Variants in APP observed in about 807,000 individuals in gnomAD.
APP encodes the protein amyloid-beta precursor protein.
APP carries 31 observed loss-of-function variants against 101.4 expected under a neutral mutation model. The observed-to-expected ratio is 0.31, with a 90% confidence interval of 0.23 to 0.41. The LOEUF is 0.41. Ranked by LOEUF, APP falls within the 10% of genes least tolerant of loss-of-function variation. APP has a pLI of 1.00. For missense variants in APP, 839 were observed against 1,003.7 expected (o/e 0.84, Z 2.22); for synonymous variants, 366 against 364.4 (o/e 1.00, Z -0.05).
chr21:25,908,993 G>A (rs1282011805), intron 14 of APP, among the ~76,000 whole-genome samples: 2 of 152,158 alleles, frequency 1.3e-5, no homozygotes, highest in Non-Finnish European at 2.9e-5. Flanking sequence ...GCCGGGCGCC[G>A]TGGCTCATGC....
At chr21:26,131,054 A>AC (rs2062783765) in intron 1 of APP, among the ~76,000 whole-genome samples, 1 of 151,822 alleles carries the variant, frequency 6.6e-6, no homozygotes, top group Non-Finnish European at 1.5e-5. Context: ...ACATGGAGAA[A>AC]CCCCTTCTCT....
intron 11 of APP, among the ~76,000 whole-genome samples, chr21:25,967,137 C>T (rs1037167540): frequency 6.6e-6 from 1 of 152,184 alleles, no homozygotes; most frequent in Non-Finnish European, 1.5e-5. Flanking sequence ...CAAAATTTAA[C>T]ATGTGGCTGA....
chr21:25,962,482 G>T (rs1052013954), intron 11 of APP, among the ~76,000 whole-genome samples: 1 of 152,176 alleles, frequency 6.6e-6, no homozygotes, highest in South Asian at 2.1e-4. Flanking sequence ...AATAGGCCCA[G>T]TAGTGCAGAA....
chr21:26,040,921 T>A lies in APP; in HGVS notation c.662+10079A>T, dbSNP rs149165288. 5.3e-5 allele frequency among the ~76,000 whole-genome samples: 8 copies of A among 152,292 alleles called. No homozygotes were observed. In the East Asian group the frequency reaches 1.5e-3, roughly 29 times the overall value. ...TTAGTCTACCACCTACAATTTTACA[T>A]TGAAACACTGGGGATACTGCAAATG... On this transcript the variant is annotated intron_variant, in intron 5 of 17. Transcript: ENST00000346798.
At chr21:25,939,008 T>A (rs2040467604) in intron 13 of APP, among the ~76,000 whole-genome samples, 1 of 152,164 alleles carries the variant, frequency 6.6e-6, no homozygotes, top group South Asian at 2.1e-4. Flanking sequence ...AACATCTGAT[T>A]TTTGCACCCC....
chr21:25,975,922 G>C, intron 10 of APP, 32 bp downstream of exon 10: 1 of 1,566,914 alleles, frequency 6.4e-7, no homozygotes, highest in Non-Finnish European at 8.8e-7. Flanking sequence ...GCTGGCATGT[G>C]ATGTTTGGTA....
At chr21:25,896,525 A>G (rs1470245392) in intron 16 of APP, among the ~76,000 whole-genome samples, 2 of 152,192 alleles carry the variant, frequency 1.3e-5, no homozygotes, top group Non-Finnish European at 2.9e-5. Flanking sequence ...ACTGAATGTG[A>G]TAAAATTGTC....
At position 26,170,689 on chromosome 21, in the gene APP, G is replaced by GCGCCGCCAC. The variant is rs1555886931; in HGVS notation, c.-78_-70dup. The GCGCCGCCAC allele has an allele frequency of 7.0e-7, 1 of 1,433,656 alleles. No homozygotes were observed. Among genetic ancestry groups the GCGCCGCCAC allele is most frequent in the Non-Finnish European group, 9.1e-7 (1 of 1,094,094 alleles). 88.8% of individuals were successfully genotyped at this position (1,433,656 alleles called of 1,614,324 possible). A position where few individuals can be genotyped will look rare whatever the true frequency, so the allele number is the denominator to read the frequency against. On this transcript the variant is annotated 5_prime_UTR_variant, in exon 1 of 18. Transcript: ENST00000346798. ...GATCCGCCGCGTCCTTGCTCTGCCC[G>GCGCCGCCAC]CGCCGCCACCGCCGCCGTCTCCCGG...
At chr21:25,975,921 T>G in intron 10 of APP, 33 bp downstream of exon 10, 1 of 1,560,220 alleles carries the variant, frequency 6.4e-7, no homozygotes, top group Non-Finnish European at 8.8e-7. Flanking sequence ...TGCTGGCATG[T>G]GATGTTTGGT....
At chr21:26,083,844 G>A (rs1185592090) in intron 3 of APP, among the ~76,000 whole-genome samples, 2 of 152,002 alleles carry the variant, frequency 1.3e-5, no homozygotes, top group Admixed American at 1.3e-4. Context: ...TTAATGCCTC[G>A]TTACTTAATG....
chr21:26,059,121 AAC>A (rs1258787004), intron 3 of APP, among the ~76,000 whole-genome samples: 2 of 152,074 alleles, frequency 1.3e-5, no homozygotes, highest in African/African-American at 4.8e-5. Context: ...ATAAAAAAAA[AAC>A]AGACTGCTGA....
intron 13 of APP, among the ~76,000 whole-genome samples, chr21:25,932,652 G>A (rs1004323684): frequency 2.0e-5 from 3 of 151,584 alleles, no homozygotes; most frequent in Non-Finnish European, 4.4e-5. Context: ...CTTTAAGATA[G>A]TTACTTTAAA....
At chr21:25,984,584 A>T (rs8128731) in intron 8 of APP, among the ~76,000 whole-genome samples, 36,778 of 152,114 alleles carry the variant, frequency 0.24, 4,919 homozygotes, top group East Asian at 0.43. Context: ...GTTAAAATGA[A>T]TAAATGCTAA....
chr21:26,167,125 AG>A (rs1232636031), intron 1 of APP, among the ~76,000 whole-genome samples: 1 of 152,238 alleles, frequency 6.6e-6, no homozygotes, highest in African/African-American at 2.4e-5. Flanking sequence ...TTTTAAATAC[AG>A]GAAGTTTTCT....
At chr21:25,901,936 G>GT in intron 15 of APP, among the ~76,000 whole-genome samples, 1 of 152,248 alleles carries the variant, frequency 6.6e-6, no homozygotes, top group South Asian at 2.1e-4. Context: ...TCGCTAATGT[G>GT]TTTTTCTTTT....
intron 6 of APP, among the ~76,000 whole-genome samples, chr21:26,005,367 T>A (rs1325694966): frequency 6.6e-6 from 1 of 152,106 alleles, no homozygotes; most frequent in African/African-American, 2.4e-5. Context: ...TGAGCCAAAA[T>A]AGTGCCACTG....
intron 1 of APP, among the ~76,000 whole-genome samples, chr21:26,137,845 A>G (rs984357840): frequency 6.6e-6 from 1 of 152,122 alleles, no homozygotes; most frequent in African/African-American, 2.4e-5. Context: ...GGCAGGTCCT[A>G]TTTTTGTTCC....
At chr21:26,007,733 G>A (rs2043600177) in intron 6 of APP, among the ~76,000 whole-genome samples, 1 of 151,894 alleles carries the variant, frequency 6.6e-6, no homozygotes, top group African/African-American at 2.4e-5. Context: ...CAACACAATA[G>A]AAAACTGGTT....
At chr21:25,985,252 GTAAT>G (rs747614175) in intron 8 of APP, among the ~76,000 whole-genome samples, 16 of 152,234 alleles carry the variant, frequency 1.1e-4, no homozygotes, top group Non-Finnish European at 1.8e-4. Flanking sequence ...TATTTCTGTG[GTAAT>G]TAATTTTCTG....
Sources: allele counts gnomAD v4.1 joint callset (sites outside exome capture counted in the v4.1 genomes callset), GRCh38; gene constraint gnomAD v4.1.1; transcripts MANE v1.5; gene names NCBI Gene and HGNC (gene_info 2026-07-23, HGNC 2026-07-21).